Variants in CHRM3 observed in about 807,000 individuals in gnomAD.
CHRM3 encodes muscarinic acetylcholine receptor M3.
In CHRM3, 11 loss-of-function variants were observed where a neutral mutation model predicts 41.8. The ratio of observed to expected loss-of-function variants is 0.26; its 90% confidence interval spans 0.17 to 0.44. CHRM3 has a LOEUF of 0.44. Ranked by LOEUF, CHRM3 falls within the 20% of genes least tolerant of loss-of-function variation. The probability of loss-of-function intolerance (pLI) is 1.00; values close to 1 mark genes in which losing one functional copy is unlikely to be tolerated. For missense variants in CHRM3, 571 were observed against 745.4 expected (o/e 0.77, Z 2.72); for synonymous variants, 297 against 301.4 (o/e 0.99, Z 0.15).
chr1:239,568,494 C>T (rs373848869), intron 3 of CHRM3, among the ~76,000 whole-genome samples: 1 of 152,124 alleles, frequency 6.6e-6, no homozygotes, highest in African/African-American at 2.4e-5. Flanking sequence ...GTCTATTAAA[C>T]TTCTTTTTCT....
intron 3 of CHRM3, among the ~76,000 whole-genome samples, chr1:239,585,097 A>T (rs891920507): frequency 1.3e-5 from 2 of 151,040 alleles, no homozygotes; most frequent in African/African-American, 2.4e-5. Flanking sequence ...ACGTATATAC[A>T]TATATACACA....
intron 2 of CHRM3, among the ~76,000 whole-genome samples, chr1:239,533,583 T>TA: frequency 6.6e-6 from 1 of 150,938 alleles, no homozygotes; most frequent in South Asian, 2.1e-4. Flanking sequence ...AAAAAAAAAT[T>TA]ACCTGTGCAT....
intron 3 of CHRM3, among the ~76,000 whole-genome samples, chr1:239,576,336 T>C (rs931146235): frequency 6.6e-6 from 1 of 152,058 alleles, no homozygotes; most frequent in Non-Finnish European, 1.5e-5. Flanking sequence ...GGTTATAGAA[T>C]GTACTTGAGA....
intron 1 of CHRM3, among the ~76,000 whole-genome samples, chr1:239,411,755 G>T (rs1558202892): frequency 7.1e-6 from 1 of 139,990 alleles, no homozygotes; most frequent in South Asian, 2.3e-4. Flanking sequence ...AAAAAAGCTG[G>T]GATTGGACTC....
chr1:239,890,265 T>C (rs1678438503), intron 6 of CHRM3, among the ~76,000 whole-genome samples: 1 of 151,556 alleles, frequency 6.6e-6, no homozygotes, highest in South Asian at 2.1e-4. Context: ...GAGGTGAGGT[T>C]GCGGAGAGGA....
intron 1 of CHRM3, among the ~76,000 whole-genome samples, chr1:239,469,173 T>G (rs1665935965): frequency 6.6e-6 from 1 of 152,242 alleles, no homozygotes; most frequent in African/African-American, 2.4e-5. Flanking sequence ...CTGAAATTAG[T>G]TTATTTTATA....
Position 239,914,921 on chromosome 1 carries a change from C to T in CHRM3, c.*5697C>T, listed in dbSNP as rs1680564088. 6.0e-6 allele frequency: 1 copy of T among 167,066 alleles called. No homozygotes were observed. The allele number at this position is 167,066 out of a possible 1,614,324, so 10.3% of individuals were successfully genotyped here. On this transcript the variant is annotated 3_prime_UTR_variant, in exon 7 of 7. Coordinates refer to ENST00000676153, the MANE Select transcript of CHRM3 (RefSeq NM_001375978.1). Reference sequence around the variant, plus strand: ...TTCCAGCCTCCTACATGTAACACTTCAAACTTCCTCTGGGCGTCTGCTTAG... The same window carrying T: ...TTCCAGCCTCCTACATGTAACACTTTAAACTTCCTCTGGGCGTCTGCTTAG...
intron 2 of CHRM3, among the ~76,000 whole-genome samples, chr1:239,528,623 T>G (rs1670161662): frequency 6.6e-6 from 1 of 152,242 alleles, no homozygotes; most frequent in African/African-American, 2.4e-5. Context: ...CTGGGCTCAG[T>G]GGTTCATGCC....
intron 1 of CHRM3, among the ~76,000 whole-genome samples, chr1:239,438,274 C>T (rs538728775): frequency 7.2e-5 from 11 of 152,164 alleles, no homozygotes; most frequent in Admixed American, 1.3e-4. Flanking sequence ...GGATGTAAAA[C>T]GTACATCTTA....
intron 2 of CHRM3, among the ~76,000 whole-genome samples, chr1:239,522,840 G>C (rs1249833535): frequency 2.0e-5 from 3 of 152,134 alleles, no homozygotes; most frequent in Non-Finnish European, 4.4e-5. Flanking sequence ...CTCTAGAAAG[G>C]TCATACGCAG....
chr1:239,558,806 C>T (rs1660611885), intron 3 of CHRM3, among the ~76,000 whole-genome samples: 1 of 152,206 alleles, frequency 6.6e-6, no homozygotes, highest in Non-Finnish European at 1.5e-5. Flanking sequence ...CCTGAGTCAA[C>T]TTCTTGCTTT....
At chr1:239,722,320 A>C (rs1572097343) in intron 5 of CHRM3, among the ~76,000 whole-genome samples, 1 of 152,076 alleles carries the variant, frequency 6.6e-6, no homozygotes, top group South Asian at 2.1e-4. Flanking sequence ...CATGTTTCCC[A>C]GTGCCCATTG....
intron 3 of CHRM3, among the ~76,000 whole-genome samples, chr1:239,583,224 C>T (rs1663070957): frequency 6.6e-6 from 1 of 152,144 alleles, no homozygotes. Flanking sequence ...TATGTTAATA[C>T]TATTTGTGTA....
rs778011467 is a variant in CHRM3, at chr1:239,863,369, T to G, written c.-20+35991T>G. Reference sequence around the variant, plus strand: ...AGCCGTCACCTTAGGGTGCCCTGAATAGCCAGGGCCACTTTCTCTCTGCTC... The same window carrying G: ...AGCCGTCACCTTAGGGTGCCCTGAAGAGCCAGGGCCACTTTCTCTCTGCTC... On this transcript the variant is annotated intron_variant, in intron 6 of 6. Transcript: ENST00000676153. Among the ~76,000 whole-genome samples the G allele has an allele frequency of 2.6e-5, 4 of 152,186 alleles. No homozygotes were observed. The East Asian group carries it at 7.7e-4, about 29-fold the overall frequency.
chr1:239,719,244 T>C (rs774958803), intron 5 of CHRM3: 1 of 152,056 alleles, frequency 6.6e-6, no homozygotes, highest in Non-Finnish European at 1.5e-5. Context: ...GTTAGGGTTT[T>C]TGGGGACTGG....
intron 1 of CHRM3, among the ~76,000 whole-genome samples, chr1:239,464,455 C>T (rs910839341): frequency 4.6e-5 from 7 of 152,146 alleles, no homozygotes; most frequent in Non-Finnish European, 7.3e-5. Context: ...TCGTTCTAGC[C>T]TCCATTTCCA....
intron 5 of CHRM3, among the ~76,000 whole-genome samples, chr1:239,780,073 T>A (rs1053039526): frequency 1.3e-5 from 2 of 152,238 alleles, no homozygotes; most frequent in Non-Finnish European, 2.9e-5. Context: ...CAATTATGAA[T>A]AAAGTTGCTA....
intron 5 of CHRM3, chr1:239,704,198 G>A (rs1391121521): frequency 2.0e-5 from 3 of 152,194 alleles, no homozygotes; most frequent in Non-Finnish European, 2.9e-5. Context: ...CAGGCAAAAA[G>A]AGCAGAAAGA....
chr1:239,894,149 T>G (rs1429110718), intron 6 of CHRM3, among the ~76,000 whole-genome samples: 1 of 152,222 alleles, frequency 6.6e-6, no homozygotes, highest in Admixed American at 6.5e-5. Flanking sequence ...AAGGAACCAC[T>G]TTATTTTCAT....
Sources: allele counts gnomAD v4.1 joint callset (sites outside exome capture counted in the v4.1 genomes callset), GRCh38; gene constraint gnomAD v4.1.1; transcripts MANE v1.5; gene names NCBI Gene and HGNC (gene_info 2026-07-23, HGNC 2026-07-21).